The following FBN2 variants were observed in gnomAD, a reference collection of about 807,000 sequenced individuals.
The protein encoded by FBN2 is fibrillin 2.
FBN2 carries 105 observed loss-of-function variants against 355.6 expected under a neutral mutation model. That is an observed-to-expected ratio of 0.30 (90% CI 0.25 to 0.35). The LOEUF (loss-of-function observed/expected upper bound fraction) is 0.35, where lower values mean the gene tolerates loss of function less well. FBN2 is among the 10% of genes least tolerant of loss of function. FBN2 has a pLI of 1.00. For synonymous variants in FBN2, 1,350 were observed against 1,301.2 expected (o/e 1.04, Z -0.81); for missense variants, 3,280 against 3,758.7 (o/e 0.87, Z 3.33).
At chr5:128,322,643 T>G (rs1340238621) in intron 34 of FBN2, among the ~76,000 whole-genome samples, 1 of 152,230 alleles carries the variant, frequency 6.6e-6, no homozygotes, top group Non-Finnish European at 1.5e-5. Context: ...CATTGGTCTG[T>G]ATCTCTGTTT....
intron 7 of FBN2, among the ~76,000 whole-genome samples, chr5:128,429,010 T>A (rs1171290930): frequency 6.6e-6 from 1 of 152,190 alleles, no homozygotes; most frequent in African/African-American, 2.4e-5. Flanking sequence ...GGTAGTTGCA[T>A]GGACAGAGCC....
intron 61 of FBN2, 112 bp downstream of exon 61, chr5:128,273,728 T>C (rs1036223164): frequency 2.7e-6 from 3 of 1,108,142 alleles, no homozygotes; most frequent in Non-Finnish European, 4.0e-6. Flanking sequence ...GGGTCCTATT[T>C]TGTTCAATAC....
chr5:128,488,798 A>C (rs963390645), intron 5 of FBN2, among the ~76,000 whole-genome samples: 1 of 151,578 alleles, frequency 6.6e-6, no homozygotes, highest in East Asian at 1.9e-4. Context: ...ATGATTTCCA[A>C]TTTCATCCAT....
At chr5:128,429,956 C>G (rs1581286492) in intron 7 of FBN2, among the ~76,000 whole-genome samples, 1 of 152,272 alleles carries the variant, frequency 6.6e-6, no homozygotes, top group Non-Finnish European at 1.5e-5. Context: ...TCAAGCACTA[C>G]AAATCTGTTG....
chr5:128,399,373 T>C (rs1054741584), intron 8 of FBN2, among the ~76,000 whole-genome samples: 2 of 152,180 alleles, frequency 1.3e-5, no homozygotes, highest in African/African-American at 4.8e-5. Flanking sequence ...TAGTATACTC[T>C]GATAAAATAA....
chr5:128,362,429 A>T (rs961476420), intron 18 of FBN2, among the ~76,000 whole-genome samples: 1 of 152,214 alleles, frequency 6.6e-6, no homozygotes, highest in Non-Finnish European at 1.5e-5. Context: ...AGAGAATATC[A>T]TCTAAAACTC....
intron 49 of FBN2, 70 bp downstream of exon 49, chr5:128,291,459 T>C: frequency 1.3e-6 from 2 of 1,556,218 alleles, no homozygotes; most frequent in South Asian, 1.1e-5. Flanking sequence ...AATACCAGCA[T>C]GATGGTTTAC....
At chr5:128,429,794 ATAAT>A (rs1440590458) in intron 7 of FBN2, among the ~76,000 whole-genome samples, 1 of 152,218 alleles carries the variant, frequency 6.6e-6, no homozygotes, top group Non-Finnish European at 1.5e-5. Context: ...AAAAATTATG[ATAAT>A]TTAATTTGTG....
intron 12 of FBN2, 130 bp from the exon 13 acceptor site, chr5:128,378,007 A>ATT: frequency 1.0e-3 from 554 of 554,878 alleles, no homozygotes; most frequent in Non-Finnish European, 1.3e-3. Context: ...GTCTCTCAGC[A>ATT]GTTTTTTTTT....
intron 5 of FBN2, among the ~76,000 whole-genome samples, chr5:128,484,995 T>A (rs1050016521): frequency 5.3e-5 from 8 of 151,952 alleles, no homozygotes; most frequent in Middle Eastern, 3.4e-3. Flanking sequence ...AGATGTTTAG[T>A]TAAAAGAAAC....
At chr5:128,300,981 T>C (rs375184403) in intron 47 of FBN2, 45 bp from the exon 48 acceptor site, 201 of 1,571,650 alleles carry the variant, frequency 1.3e-4, no homozygotes, top group Non-Finnish European at 1.7e-4. Flanking sequence ...CATGAGATAA[T>C]TGTTACATAG....
At chr5:128,297,693 A>G (rs1404268553) in intron 48 of FBN2, among the ~76,000 whole-genome samples, 2 of 151,916 alleles carry the variant, frequency 1.3e-5, no homozygotes, top group Non-Finnish European at 2.9e-5. Flanking sequence ...TGCTCGGTAG[A>G]TCTTCCTCCA....
intron 59 of FBN2, among the ~76,000 whole-genome samples, chr5:128,275,125 C>G (rs540818585): frequency 6.6e-6 from 1 of 152,092 alleles, no homozygotes; most frequent in Non-Finnish European, 1.5e-5. Context: ...GATGAAAACA[C>G]GGGCATTAAT....
intron 50 of FBN2, among the ~76,000 whole-genome samples, chr5:128,290,193 A>C (rs1204860065): frequency 1.3e-5 from 2 of 152,226 alleles, no homozygotes; most frequent in Non-Finnish European, 2.9e-5. Context: ...GAGCAGCTAA[A>C]GAGAACTTCC....
chr5:128,438,920 G>A (rs530175599), intron 7 of FBN2, among the ~76,000 whole-genome samples: 29 of 152,158 alleles, frequency 1.9e-4, no homozygotes, highest in African/African-American at 6.7e-4. Flanking sequence ...AATATCCAAT[G>A]CCACAGACTT....
chr5:128,458,892 G>C (rs1366001815), intron 6 of FBN2, among the ~76,000 whole-genome samples: 1 of 152,012 alleles, frequency 6.6e-6, no homozygotes, highest in Non-Finnish European at 1.5e-5. Flanking sequence ...AAAAGAGTTA[G>C]AGAGGCAAGA....
intron 17 of FBN2, 50 bp from the exon 18 acceptor site, chr5:128,364,775 T>G: frequency 6.6e-7 from 1 of 1,504,516 alleles, no homozygotes; most frequent in Non-Finnish European, 9.2e-7. Context: ...TGTTATTGTT[T>G]GTTGATAAAT....
chr5:128,322,994 G>T (rs1194536793), intron 34 of FBN2, among the ~76,000 whole-genome samples: 2 of 152,154 alleles, frequency 1.3e-5, no homozygotes, highest in Non-Finnish European at 2.9e-5. Context: ...CACATCCCTT[G>T]TAAGTTGTAT....
At chr5:128,416,356 C>G (rs1188360986) in intron 7 of FBN2, among the ~76,000 whole-genome samples, 1 of 152,136 alleles carries the variant, frequency 6.6e-6, no homozygotes, top group Non-Finnish European at 1.5e-5. Flanking sequence ...TCCAATTTAA[C>G]AGGACTGACT....
Sources: gnomAD v4.1 joint callset for allele counts (sites outside exome capture counted in the v4.1 genomes callset) on GRCh38, gnomAD v4.1.1 for gene constraint, MANE v1.5 for transcripts, NCBI Gene and HGNC (gene_info 2026-07-23, HGNC 2026-07-21) for gene names.